The following TAX1BP1 variants were observed in gnomAD, a reference collection of about 807,000 sequenced individuals.
TAX1BP1 encodes Tax1 binding protein 1.
Under a neutral mutation model 97.7 loss-of-function variants are expected in TAX1BP1, and 62 were observed. The observed-to-expected ratio is 0.63, with a 90% confidence interval of 0.52 to 0.78. The LOEUF (loss-of-function observed/expected upper bound fraction) is 0.78. TAX1BP1 is among the 30% of genes least tolerant of loss of function. The pLI is 0.00. For missense variants in TAX1BP1, 867 were observed against 916.1 expected, an observed-to-expected ratio of 0.95 and a Z score of 0.69; for synonymous variants, 340 against 304.2, an observed-to-expected ratio of 1.12 and a Z score of -1.23.
chr7:27,810,599 C>G lies in TAX1BP1; in HGVS notation c.1765-5750C>G, dbSNP rs188666490. Among the ~76,000 whole-genome samples, 32 of 152,204 alleles carry G rather than the reference C, an allele frequency of 2.1e-4. No homozygotes were observed. In the South Asian group the frequency reaches 6.6e-3, roughly 32 times the overall value. The stretch of plus-strand genomic sequence containing the variant: ...TTGTTATTGTTAAAAAACCTGAAGG[C>G]CCATTGTAAATTGTATGACAGATTT... On this transcript the variant is annotated intron_variant, in intron 13 of 16. Coordinates refer to ENST00000396319, the MANE Select transcript of TAX1BP1 (RefSeq NM_006024.7).
At chr7:27,787,140 T>C (rs1789520722) in intron 7 of TAX1BP1, among the ~76,000 whole-genome samples, 1 of 152,168 alleles carries the variant, frequency 6.6e-6, no homozygotes, top group Non-Finnish European at 1.5e-5. Context: ...AAAGAGAACC[T>C]GAAACCATTA....
At chr7:27,782,406 AT>A (rs148444978) in intron 5 of TAX1BP1, among the ~76,000 whole-genome samples, 48 of 149,098 alleles carry the variant, frequency 3.2e-4, no homozygotes, top group Middle Eastern at 3.5e-3. Flanking sequence ...CGCCCAGCTA[AT>A]TTTTTTTTTC....
At position 27,785,226 on chromosome 7, in the gene TAX1BP1, G is replaced by A; in HGVS notation, c.676G>A (p.Asp226Asn). Residue 226 changes from aspartate (D) to asparagine (N), a missense_variant, in exon 6 of 17, where the codon GAT becomes AAT. Around this residue, in one of 3 missense-constraint regions of TAX1BP1, gnomAD observed 822 missense variants for 851.4 expected, o/e 0.97. Coordinates refer to ENST00000396319, the MANE Select transcript of TAX1BP1 (RefSeq NM_006024.7). Reference sequence around the variant, plus strand: ...TGAAGAGTTTAAGAAGAGGTTCAGTGATGCTACATCCAAAGCCCATCAGCT... The same window carrying A: ...TGAAGAGTTTAAGAAGAGGTTCAGTAATGCTACATCCAAAGCCCATCAGCT... ...ENEEFKKRFS[D>N]ATSKAHQLEE... 2 of 1,613,392 alleles carry A rather than the reference G, an allele frequency of 1.2e-6. No homozygotes were observed. Among genetic ancestry groups the A allele is most frequent in the South Asian group, 1.1e-5 (1 of 90,986 alleles).
rs751402792 is a variant in TAX1BP1 at position 27,828,773 on chromosome 7, G to C, written c.2314G>C (p.Val772Leu). ...GTTCCCTCCTGACTATGACCAGCAG[G>C]TGTTTGAAAGGCATGTGCAGACCCA... ...EQFPPDYDQQ[V>L]FERHVQTHFD... The change falls in exon 17 of 17, where the codon GTG becomes CTG. Residue 772 changes from valine (V) to leucine (L), a missense_variant. Around this residue, in one of 3 missense-constraint regions of TAX1BP1, gnomAD observed 34 missense variants for 33.2 expected, o/e 1.02. Transcript: ENST00000396319. 1.2e-6 allele frequency: 2 copies of C among 1,610,582 alleles called. No homozygotes were observed. The highest frequency in any genetic ancestry group is 8.5e-7 in the Non-Finnish European group (1 of 1,178,332).
intron 5 of TAX1BP1, among the ~76,000 whole-genome samples, chr7:27,782,778 T>C (rs1347111377): frequency 1.3e-5 from 2 of 152,236 alleles, no homozygotes; most frequent in African/African-American, 4.8e-5. Context: ...GCTAGTTTAC[T>C]AAATTTTACT....
chr7:27,754,824 C>T (rs541379512), intron 2 of TAX1BP1, among the ~76,000 whole-genome samples: 4 of 152,018 alleles, frequency 2.6e-5, no homozygotes, highest in South Asian at 2.1e-4. Context: ...ACCTCGTGAT[C>T]CCCCCACCTC....
rs763094818 is a variant in TAX1BP1 at position 27,769,714 on chromosome 7, G to A, written c.492G>A (p.Leu164=). 3.5e-5 allele frequency: 56 copies of A among 1,611,680 alleles called. No individual in the cohort carries two copies. Among genetic ancestry groups the A allele is most frequent in the Non-Finnish European group, 4.2e-5 (49 of 1,178,882 alleles). The change falls in exon 5 of 17, where the codon CTG becomes CTA. Residue 164 remains leucine (L), a synonymous_variant. Coordinates refer to ENST00000396319, the MANE Select transcript of TAX1BP1 (RefSeq NM_006024.7). ...AAACCATGAAAGAAAAAGAAGAACT[G>A]TTAAAGTTAATTGCCGTTCTGGAAA... is the stretch of plus-strand genomic sequence containing the variant. ...IEKTMKEKEE[L]LKLIAVLEKE... is the part of the protein sequence containing the mutation.
chr7:27,747,883 G>T (rs1456687967), intron 1 of TAX1BP1, among the ~76,000 whole-genome samples: 1 of 151,576 alleles, frequency 6.6e-6, no homozygotes, highest in South Asian at 2.1e-4. Flanking sequence ...TTTTTTAAAG[G>T]CCCCTAATGA....
intron 13 of TAX1BP1, chr7:27,803,047 C>T (rs1583393251): frequency 1.3e-6 from 2 of 1,482,344 alleles, no homozygotes; most frequent in Non-Finnish European, 1.8e-6. Flanking sequence ...AACCAGATCT[C>T]AAAGTTGCAA....
At chr7:27,773,943 T>C (rs538386692) in intron 5 of TAX1BP1, among the ~76,000 whole-genome samples, 41 of 152,272 alleles carry the variant, frequency 2.7e-4, no homozygotes, top group African/African-American at 9.6e-4. Flanking sequence ...CATATAATTG[T>C]ATTTTCAACT....
chr7:27,796,786 G>A lies in TAX1BP1; in HGVS notation c.1638+567G>A, dbSNP rs146939603. 8.6e-3 allele frequency among the ~76,000 whole-genome samples: 1,306 copies of A among 151,916 alleles called. 9 individuals carry two copies. The highest frequency in any genetic ancestry group is 0.015 in the Admixed American group (232 of 15,276). ...TGAGGCAGGAGAATCACTTGAACCC[G>A]GGAGGCGGAGGTTGCAGTGAGCCGA... On this transcript the variant is annotated intron_variant, in intron 12 of 16. Coordinates refer to ENST00000396319, the MANE Select transcript of TAX1BP1 (RefSeq NM_006024.7).
chr7:27,789,347 G>A (rs1020775259), intron 8 of TAX1BP1, among the ~76,000 whole-genome samples: 1 of 151,414 alleles, frequency 6.6e-6, no homozygotes, highest in African/African-American at 2.4e-5. Context: ...CAGTTGCTTT[G>A]TTCAGAAGTC....
intron 13 of TAX1BP1, among the ~76,000 whole-genome samples, chr7:27,801,541 A>G (rs1220849641): frequency 1.3e-5 from 2 of 152,134 alleles, no homozygotes; most frequent in East Asian, 1.9e-4. Context: ...ATTGAAGCCT[A>G]TTTTACATAA....
At chr7:27,772,805 A>G (rs2128313263) in intron 5 of TAX1BP1, among the ~76,000 whole-genome samples, 1 of 152,204 alleles carries the variant, frequency 6.6e-6, no homozygotes, top group South Asian at 2.1e-4. Flanking sequence ...CTAGGATTAC[A>G]AAGTAGATTA....
At chr7:27,795,539 CT>C (rs1277647272) in intron 11 of TAX1BP1, among the ~76,000 whole-genome samples, 1 of 151,964 alleles carries the variant, frequency 6.6e-6, no homozygotes, top group Non-Finnish European at 1.5e-5. Context: ...TTATGGAACT[CT>C]TTTTAGCAAA....
In TAX1BP1 at chr7:27,827,484, G is replaced by T. The variant is rs151215506; in HGVS notation, c.2086-254G>T. Among the ~76,000 whole-genome samples the T allele has an allele frequency of 1.2e-3, 183 of 152,224 alleles. 2 individuals carry two copies. Among genetic ancestry groups the T allele is most frequent in the African/African-American group, 4.1e-3 (172 of 41,524 alleles). On this transcript the variant is annotated intron_variant, in intron 15 of 16. Coordinates refer to ENST00000396319, the MANE Select transcript of TAX1BP1 (RefSeq NM_006024.7). ...ATTTACACATACAGGTATGGTAAAT[G>T]GTATGTGTAAATGGTATGTCTCTAT... is the stretch of plus-strand genomic sequence containing the variant.
At chr7:27,754,878 T>G (rs1344226963) in intron 2 of TAX1BP1, among the ~76,000 whole-genome samples, 1 of 152,138 alleles carries the variant, frequency 6.6e-6, no homozygotes. Flanking sequence ...CCACCCCACC[T>G]GGCTTGTCTT....
chr7:27,802,835 T>C (rs749483170), intron 13 of TAX1BP1, among the ~76,000 whole-genome samples: 8 of 152,012 alleles, frequency 5.3e-5, no homozygotes, highest in Admixed American at 1.3e-4. Flanking sequence ...AGAATACTCA[T>C]ATTTGGACTG....
Position 27,828,864 on chromosome 7 carries a change from T to TTAAA in TAX1BP1, c.*35_*36insTAAA. The TTAAA allele has an allele frequency of 5.1e-6, 5 of 988,510 alleles. No homozygotes were observed. Among genetic ancestry groups the TTAAA allele is most frequent in the Non-Finnish European group, 5.7e-6 (4 of 705,060 alleles). The allele number at this position is 988,510 out of a possible 1,614,324, so 61.2% of individuals were successfully genotyped here. A position where few individuals can be genotyped will look rare whatever the true frequency, so the allele number is the denominator to read the frequency against. On this transcript the variant is annotated 3_prime_UTR_variant, in exon 17 of 17. Transcript: ENST00000396319. ...ATTATGAGTTAATATAGTTTAGCAG[T>TTAAA]AAAAAAAAAAAAAAAAACCACACCT...
Sources: gnomAD v4.1 joint callset for allele counts (sites outside exome capture counted in the v4.1 genomes callset) on GRCh38, gnomAD v4.1.1 for gene constraint, gnomAD v4.1.1 regional missense constraint, MANE v1.5 for transcripts, NCBI Gene and HGNC (gene_info 2026-07-23, HGNC 2026-07-21) for gene names.